Variants in GRAMD2B observed in about 807,000 individuals in gnomAD.
GRAMD2B encodes the protein GRAM domain-containing protein 2B.
Under a neutral mutation model 59.2 loss-of-function variants are expected in GRAMD2B, and 41 were observed. That is an observed-to-expected ratio of 0.69 (90% CI 0.54 to 0.90). The LOEUF is 0.90. Among genes scored for constraint, GRAMD2B ranks in the 40% least tolerant of loss-of-function variants. GRAMD2B has a pLI of 0.00. For synonymous variants in GRAMD2B, 161 were observed against 182.7 expected (o/e 0.88, Z 0.96); for missense variants, 424 against 500.5 (o/e 0.85, Z 1.46).
intron 1 of GRAMD2B, among the ~76,000 whole-genome samples, chr5:126,441,020 A>T (rs909841224): frequency 6.6e-6 from 1 of 152,202 alleles, no homozygotes; most frequent in Non-Finnish European, 1.5e-5. Context: ...TAAAATGTTA[A>T]AAATGATGAT....
rs568963818 is a variant in GRAMD2B, at chr5:126,447,651, A to G, written c.84-17775A>G. Among the ~76,000 whole-genome samples the G allele has an allele frequency of 3.7e-4, 55 of 148,484 alleles. 1 individual carries two copies. The South Asian group carries it at 6.1e-3, about 16-fold the overall frequency. On this transcript the variant is annotated intron_variant, in intron 1 of 13. Transcript: ENST00000285689. ...TGCACTCCAGCCTGGGCGACAGAGC[A>G]AGACTCCGTCTCAAAAAAAGAAAAA...
intron 1 of GRAMD2B, among the ~76,000 whole-genome samples, chr5:126,401,962 G>C (rs1369641382): frequency 6.6e-6 from 1 of 152,000 alleles, no homozygotes; most frequent in East Asian, 1.9e-4. Context: ...ACAGCAAATT[G>C]GAAAGTGCCT....
At chr5:126,393,431 T>C (rs961996783) in intron 1 of GRAMD2B, among the ~76,000 whole-genome samples, 15 of 152,332 alleles carry the variant, frequency 9.8e-5, no homozygotes, top group African/African-American at 3.4e-4. Flanking sequence ...TTCATGGAAA[T>C]AAATAAAATT....
rs937763192 is a variant in GRAMD2B at position 126,365,968 on chromosome 5, A to G, written c.128+5509A>G. On this transcript the variant is annotated intron_variant, in intron 1 of 13. Coordinates refer to the GRAMD2B transcript ENST00000513040. ...GCACACAAAAAAAGAAAGATTATCT[A>G]AAGTCCAATCTTGCCATGTCTACTT... Among the ~76,000 whole-genome samples, 12 of 152,330 alleles carry G rather than the reference A, an allele frequency of 7.9e-5. No individual in the cohort carries two copies. The South Asian group carries it at 1.2e-3, about 16-fold the overall frequency.
chr5:126,403,760 A>G (rs1758028297), intron 1 of GRAMD2B, among the ~76,000 whole-genome samples: 1 of 151,946 alleles, frequency 6.6e-6, no homozygotes, highest in Non-Finnish European at 1.5e-5. Flanking sequence ...TGAAAGACTT[A>G]CGCAGAGGAA....
intron 1 of GRAMD2B, 22 bp downstream of exon 1, chr5:126,423,711 C>A (rs375032449): frequency 7.7e-5 from 123 of 1,589,788 alleles, no homozygotes; most frequent in Non-Finnish European, 3.2e-5. Flanking sequence ...CAGCTGGGAC[C>A]CATCCAAGGA....
intron 1 of GRAMD2B, among the ~76,000 whole-genome samples, chr5:126,454,281 G>T (rs535517823): frequency 6.6e-6 from 1 of 152,286 alleles, no homozygotes; most frequent in East Asian, 1.9e-4. Flanking sequence ...ACATAATGGA[G>T]GCCGTGTCTC....
chr5:126,437,092 G>A (rs1561520298), intron 1 of GRAMD2B, among the ~76,000 whole-genome samples: 2 of 152,176 alleles, frequency 1.3e-5, no homozygotes, highest in Non-Finnish European at 2.9e-5. Context: ...AAGGCACAGG[G>A]GCCACTGACA....
intron 13 of GRAMD2B, 121 bp from the exon 14 acceptor site, chr5:126,492,794 C>T: frequency 1.6e-6 from 1 of 619,032 alleles, no homozygotes; most frequent in Non-Finnish European, 2.8e-6. Flanking sequence ...CTAAATTTAA[C>T]CCTTTTGTAG....
At position 126,493,990 on chromosome 5, in the gene GRAMD2B, G is replaced by A. The variant is rs1774342613; in HGVS notation, c.*1034G>A. Reference sequence around the variant, plus strand: ...GATCTGTAAGTACAAAGGATATTCTGTTTCTATCTGCAATGCATTTGATAA... The same window carrying A: ...GATCTGTAAGTACAAAGGATATTCTATTTCTATCTGCAATGCATTTGATAA... On this transcript the variant is annotated 3_prime_UTR_variant, in exon 14 of 14. Coordinates refer to ENST00000285689, the MANE Select transcript of GRAMD2B (RefSeq NM_023927.4). The A allele has an allele frequency of 6.6e-6, 1 of 152,548 alleles. No individual in the cohort carries two copies. The highest frequency in any genetic ancestry group is 2.4e-5 in the African/African-American group (1 of 41,436). 9.4% of individuals were successfully genotyped at this position (152,548 alleles called of 1,614,324 possible).
chr5:126,434,389 A>G (rs1762058054), intron 1 of GRAMD2B, among the ~76,000 whole-genome samples: 1 of 152,188 alleles, frequency 6.6e-6, no homozygotes, highest in African/African-American at 2.4e-5. Context: ...TCTATTGTAC[A>G]TTATGGTAAT....
intron 2 of GRAMD2B, among the ~76,000 whole-genome samples, chr5:126,469,204 A>T (rs1467911969): frequency 6.6e-6 from 1 of 152,270 alleles, no homozygotes; most frequent in East Asian, 1.9e-4. Context: ...TGATGAAATC[A>T]TTGCAGTGTC....
intron 1 of GRAMD2B, among the ~76,000 whole-genome samples, chr5:126,424,842 A>G (rs1409235490): frequency 1.3e-5 from 2 of 152,232 alleles, no homozygotes; most frequent in Non-Finnish European, 2.9e-5. Context: ...TGTTGCAGAT[A>G]AAAGCACTGA....
chr5:126,487,074 G>A (rs145726288), intron 12 of GRAMD2B, 97 bp downstream of exon 12: 373 of 692,258 alleles, frequency 5.4e-4, no homozygotes, highest in Middle Eastern at 2.1e-3. Flanking sequence ...ATTAATTGGA[G>A]ATACATTCTG....
chr5:126,442,624 A>C (rs1324702913), intron 1 of GRAMD2B, among the ~76,000 whole-genome samples: 5 of 152,174 alleles, frequency 3.3e-5, no homozygotes, highest in Non-Finnish European at 5.9e-5. Context: ...ATTTACATGT[A>C]TGCATTATAA....
In GRAMD2B at chr5:126,483,588, T is replaced by C. The variant is rs1772289799; in HGVS notation, c.847+14T>C. 6.8e-7 allele frequency: 1 copy of C among 1,462,588 alleles called. No homozygotes were observed. The highest frequency in any genetic ancestry group is 9.6e-7 in the Non-Finnish European group (1 of 1,046,660). The allele number at this position is 1,462,588 out of a possible 1,614,324, so 90.6% of individuals were successfully genotyped here. A position where few individuals can be genotyped will look rare whatever the true frequency, so the allele number is the denominator to read the frequency against. On this transcript the variant is annotated intron_variant, in intron 9 of 13. Coordinates refer to ENST00000285689, the MANE Select transcript of GRAMD2B (RefSeq NM_023927.4). Reference sequence around the variant, plus strand: ...AGAACTCTCGAGGTTTGGGAAATTGTTGTATTTTGACTAAAATTTAATTCC... The same window carrying C: ...AGAACTCTCGAGGTTTGGGAAATTGCTGTATTTTGACTAAAATTTAATTCC...
rs1310903210 is a variant in GRAMD2B at position 126,492,936 on chromosome 5, T to C, written c.1279T>C (p.Leu427=). 1 of 1,610,912 alleles carries C rather than the reference T, an allele frequency of 6.2e-7. No homozygotes were observed. The highest frequency in any genetic ancestry group is 1.7e-5 in the Admixed American group (1 of 59,964). Residue 427 remains leucine (L), a synonymous_variant, in exon 14 of 14, where the codon TTG becomes CTG. Coordinates refer to ENST00000285689, the MANE Select transcript of GRAMD2B (RefSeq NM_023927.4). Reference sequence around the variant, plus strand: ...CAAGATACAAAATAACTTACAGAAGTTGCTTGAGAATGGTGACTGATCGAC... The same window carrying C: ...CAAGATACAAAATAACTTACAGAAGCTGCTTGAGAATGGTGACTGATCGAC... The part of the protein sequence containing the change: ...LEKIQNNLQK[L]LENGD
intron 6 of GRAMD2B, among the ~76,000 whole-genome samples, chr5:126,478,336 G>A (rs1561591182): frequency 6.6e-6 from 1 of 152,148 alleles, no homozygotes; most frequent in Non-Finnish European, 1.5e-5. Flanking sequence ...TACTTGGGAA[G>A]CTGAGGTAGG....
chr5:126,480,757 C>T (rs754151280), intron 8 of GRAMD2B, 50 bp downstream of exon 8: 2 of 1,472,996 alleles, frequency 1.4e-6, no homozygotes, highest in Non-Finnish European at 1.9e-6. Context: ...GAATATGTCC[C>T]ACAATTACAC....
Sources: gnomAD v4.1 joint callset for allele counts (sites outside exome capture counted in the v4.1 genomes callset) on GRCh38, gnomAD v4.1.1 for gene constraint, MANE v1.5 for transcripts, NCBI Gene and HGNC (gene_info 2026-07-23, HGNC 2026-07-21) for gene names.